NFIB: variants seen among roughly 807,000 people sequenced by gnomAD.
The protein encoded by NFIB is nuclear factor 1 B-type.
In NFIB, 11 loss-of-function variants were observed where a neutral mutation model predicts 61.5. The ratio of observed to expected loss-of-function variants is 0.18; its 90% CI spans 0.11 to 0.30. The LOEUF (loss-of-function observed/expected upper bound fraction) is 0.30, where lower values mean the gene tolerates loss of function less well. Among genes scored for constraint, NFIB ranks in the 10% least tolerant of loss-of-function variants. The probability of loss-of-function intolerance (pLI) is 1.00; values close to 1 mark genes in which losing one functional copy is unlikely to be tolerated. For missense variants in NFIB, 471 were observed against 608.9 expected, an observed-to-expected ratio of 0.77 and a Z score of 2.38; for synonymous variants, 260 against 216.5, an observed-to-expected ratio of 1.20 and a Z score of -1.76.
intron 1 of NFIB, among the ~76,000 whole-genome samples, chr9:14,336,114 C>G (rs1444108282): frequency 6.6e-6 from 1 of 152,158 alleles, no homozygotes; most frequent in Non-Finnish European, 1.5e-5. Context: ...TGTTAGTTCT[C>G]CAGATTTGTG....
intron 2 of NFIB, among the ~76,000 whole-genome samples, chr9:14,253,324 A>T (rs1341178676): frequency 6.6e-6 from 1 of 152,214 alleles, no homozygotes; most frequent in Non-Finnish European, 1.5e-5. Context: ...TCTGGTGCAA[A>T]GGGACTGAGT....
chr9:14,134,998 C>T (rs1305589700), intron 6 of NFIB, among the ~76,000 whole-genome samples: 3 of 150,916 alleles, frequency 2.0e-5, no homozygotes, highest in Non-Finnish European at 4.4e-5. Flanking sequence ...ATCATATAAG[C>T]TCAATTTACT....
chr9:14,242,686 C>T (rs1391977592), intron 2 of NFIB, among the ~76,000 whole-genome samples: 1 of 152,172 alleles, frequency 6.6e-6, no homozygotes, highest in African/African-American at 2.4e-5. Flanking sequence ...TCTTCTTATG[C>T]ATATCTTATC....
At chr9:14,301,887 C>T (rs1036532182) in intron 2 of NFIB, among the ~76,000 whole-genome samples, 2 of 152,234 alleles carry the variant, frequency 1.3e-5, no homozygotes, top group African/African-American at 4.8e-5. Flanking sequence ...CAATAAGAGC[C>T]CTTCTTTATC....
chr9:14,506,893 A>G, the NFIB span, among the ~76,000 whole-genome samples: 35 of 152,334 alleles, frequency 2.3e-4, no homozygotes, highest in African/African-American at 8.2e-4. Flanking sequence ...TAGAAAACAC[A>G]TAACTTATTA....
Position 14,116,320 on chromosome 9 carries a change from C to G in NFIB, c.1272G>C (p.Gly424=), listed in dbSNP as rs1488062153. The change falls in exon 9 of 11, where the codon GGG becomes GGC. Residue 424 remains glycine (G), a synonymous_variant. Coordinates refer to ENST00000380953, the MANE Select transcript of NFIB (RefSeq NM_001190737.2). ...CAGGAGTGAAATGGCCAGGCACTTTCCCTACTACTTGACCACTGCCGTTAG... is the reference window on the plus strand; with the variant it reads ...CAGGAGTGAAATGGCCAGGCACTTTGCCTACTACTTGACCACTGCCGTTAG... ...SQPNGSGQVV[G]KVPGHFTPVL... 1.3e-6 allele frequency: 2 copies of G among 1,529,746 alleles called. No homozygotes were observed. Among genetic ancestry groups the G allele is most frequent in the East Asian group, 2.5e-5 (1 of 40,150 alleles). The allele number at this position is 1,529,746 out of a possible 1,614,324, so 94.8% of individuals were successfully genotyped here.
At chr9:14,341,620 G>T (rs2060951592) in intron 1 of NFIB, among the ~76,000 whole-genome samples, 1 of 152,142 alleles carries the variant, frequency 6.6e-6, no homozygotes. Context: ...AGGACAGGAA[G>T]CCAGTGAAAT....
chr9:14,376,541 G>C (rs2061422284), intron 1 of NFIB, among the ~76,000 whole-genome samples: 2 of 143,346 alleles, frequency 1.4e-5, no homozygotes. Flanking sequence ...TTTTGATACA[G>C]GGTTTCACTC....
At chr9:14,319,189 TAAA>T (rs77773525) in intron 1 of NFIB, among the ~76,000 whole-genome samples, 1 of 137,828 alleles carries the variant, frequency 7.3e-6, no homozygotes, top group Non-Finnish European at 1.6e-5. Flanking sequence ...CTCCACTGTT[TAAA>T]AAAAAAAAAA....
intron 3 of NFIB, among the ~76,000 whole-genome samples, chr9:14,156,745 G>A (rs533992239): frequency 5.3e-5 from 8 of 152,300 alleles, no homozygotes; most frequent in African/African-American, 1.9e-4. Context: ...TTAAGGGGGT[G>A]TAATGAGTGT....
chr9:14,516,471 C>G, the NFIB span, among the ~76,000 whole-genome samples: 1 of 151,260 alleles, frequency 6.6e-6, no homozygotes, highest in Non-Finnish European at 1.5e-5. Flanking sequence ...TCTGTTATCT[C>G]AAAAAAAAGG....
intron 2 of NFIB, among the ~76,000 whole-genome samples, chr9:14,305,469 G>A (rs1478397978): frequency 3.3e-5 from 5 of 152,150 alleles, no homozygotes; most frequent in Non-Finnish European, 7.3e-5. Flanking sequence ...TAAGTGTCAT[G>A]TGTTACTGAG....
chr9:14,274,086 T>C (rs1382222061), intron 2 of NFIB, among the ~76,000 whole-genome samples: 1 of 152,144 alleles, frequency 6.6e-6, no homozygotes, highest in Non-Finnish European at 1.5e-5. Flanking sequence ...TGGTGAATGC[T>C]TCTCTATATC....
chr9:14,486,911 G>C, the NFIB span, among the ~76,000 whole-genome samples: 1 of 152,084 alleles, frequency 6.6e-6, no homozygotes, highest in South Asian at 2.1e-4. Context: ...ACTAATTTTA[G>C]AAATGGACTT....
intron 10 of NFIB, among the ~76,000 whole-genome samples, chr9:14,112,350 T>A (rs901719776): frequency 5.3e-5 from 8 of 152,348 alleles, no homozygotes; most frequent in African/African-American, 1.9e-4. Context: ...CCTGGCTGTA[T>A]GTTTTCACAG....
chr9:14,454,928 C>A, the NFIB span, among the ~76,000 whole-genome samples: 2 of 152,230 alleles, frequency 1.3e-5, no homozygotes, highest in South Asian at 2.1e-4. Context: ...GCTTCTCGAA[C>A]CTGGAATGAA....
At chr9:14,383,702 GT>G (rs2061515713) in intron 1 of NFIB, among the ~76,000 whole-genome samples, 1 of 152,192 alleles carries the variant, frequency 6.6e-6, no homozygotes, top group Non-Finnish European at 1.5e-5. Flanking sequence ...ATCACTTTGT[GT>G]TTTCCTGCAC....
At chr9:14,395,391 G>A (rs1187467495) in intron 1 of NFIB, among the ~76,000 whole-genome samples, 1 of 151,338 alleles carries the variant, frequency 6.6e-6, no homozygotes, top group Non-Finnish European at 1.5e-5. Flanking sequence ...GAAAAAAATA[G>A]TAGTGATTGG....
chr9:14,375,018 A>G (rs16931630), intron 1 of NFIB, among the ~76,000 whole-genome samples: 13,661 of 152,332 alleles, frequency 0.09, 891 homozygotes, highest in Middle Eastern at 0.16. Flanking sequence ...TGTCACGTTT[A>G]TTTTATTACA....
Sources: gnomAD v4.1 joint callset for allele counts (sites outside exome capture counted in the v4.1 genomes callset) on GRCh38, gnomAD v4.1.1 for gene constraint, MANE v1.5 for transcripts, NCBI Gene and HGNC (gene_info 2026-07-23, HGNC 2026-07-21) for gene names.